Variants in LZTS2 observed in about 807,000 individuals in gnomAD.
LZTS2 encodes the protein leucine zipper putative tumor suppressor 2.
In LZTS2, 32 loss-of-function variants were observed where a neutral mutation model predicts 60.6. The observed-to-expected ratio is 0.53, with a 90% CI of 0.40 to 0.71. LZTS2 has a LOEUF of 0.71. Among genes scored for constraint, LZTS2 ranks in the 30% least tolerant of loss-of-function variants. The pLI is 0.00. For synonymous variants in LZTS2, 360 were observed against 393.1 expected (o/e 0.92, Z 1.00); for missense variants, 792 against 901.9 (o/e 0.88, Z 1.56).
chr10:101,003,259 G>A (rs921155254), intron 1 of LZTS2: 3 of 525,460 alleles, frequency 5.7e-6, no homozygotes, highest in Non-Finnish European at 9.7e-6. Flanking sequence ...TTTGGGCAAG[G>A]CCTTTAACCT....
chr10:101,006,834 A>G (rs758116097), exon 4 of LZTS2: 6 of 1,542,584 alleles, frequency 3.9e-6, no homozygotes, highest in East Asian at 2.3e-5. Context: ...GATGAGGCCA[A>G]AGTGCAGCGG....
At chr10:101,002,385 C>G in exon 1 of LZTS2, 1 of 625,950 alleles carries the variant, frequency 1.6e-6, no homozygotes. Context: ...AAGGGGGAGT[C>G]TTGGTGGGGA....
At chr10:100,999,121 C>G (rs1851972120), upstream of LZTS2, 1 of 152,394 alleles carries the variant, frequency 6.6e-6, no homozygotes. Context: ...TGACCTCTCT[C>G]TTAGCAAGTG....
exon 1 of LZTS2, chr10:101,001,321 A>C (rs939913408): frequency 1.3e-5 from 2 of 152,292 alleles, no homozygotes; most frequent in African/African-American, 2.4e-5. Flanking sequence ...ACACATGTGA[A>C]TTCACACATG....
chr10:101,006,529 G>GA lies in LZTS2; in HGVS notation c.1374dup (p.Glu459ArgfsTer31). 6.2e-7 allele frequency: 1 copy of GA among 1,611,524 alleles called. No individual in the cohort carries two copies. The highest frequency in any genetic ancestry group is 8.5e-7 in the Non-Finnish European group (1 of 1,179,716). ...AGATCTCCCTGCTGAAGCAGCAGCT[G>GA]AAAGAGTCTCAGGCAGAGCTGGTGC... On this transcript the variant is annotated frameshift_variant, in exon 4 of 4. Transcript: ENST00000370220. LOFTEE classifies it high-confidence loss of function.
chr10:101,005,565 G>A, exon 3 of LZTS2: 1 of 1,610,248 alleles, frequency 6.2e-7, no homozygotes, highest in Non-Finnish European at 8.5e-7. Context: ...TGCTGCAGCT[G>A]CAGGTGTTCC....
At chr10:101,006,577 T>C (rs2133984112) in exon 4 of LZTS2, 1 of 1,610,736 alleles carries the variant, frequency 6.2e-7, no homozygotes, top group South Asian at 1.1e-5. Flanking sequence ...AGCTGGTGGC[T>C]CTGCGGGTGG....
At chr10:101,006,913 G>C in exon 4 of LZTS2, 1 of 1,530,782 alleles carries the variant, frequency 6.5e-7, no homozygotes, top group Non-Finnish European at 8.8e-7. Context: ...TGCAGCGGGA[G>C]CGGCGGCGGG....
At chr10:101,006,030 C>A (rs1852178877) in intron 3 of LZTS2, among the ~76,000 whole-genome samples, 1 of 152,208 alleles carries the variant, frequency 6.6e-6, no homozygotes, top group South Asian at 2.1e-4. Context: ...CATTAGTCTC[C>A]CCATTTTAGA....
At chr10:100,997,730 A>G (rs1215923132), upstream of LZTS2, among the ~76,000 whole-genome samples, 1 of 152,164 alleles carries the variant, frequency 6.6e-6, no homozygotes, top group Non-Finnish European at 1.5e-5. Flanking sequence ...CTGTGCCCCC[A>G]ACCCAACCAC....
At chr10:101,005,402 C>G in intron 2 of LZTS2, 56 bp from the exon 4 acceptor site, 1 of 1,498,926 alleles carries the variant, frequency 6.7e-7, no homozygotes, top group Non-Finnish European at 8.9e-7. Context: ...AGAGCAGACA[C>G]TGAGTGGGGA....
exon 3 of LZTS2, chr10:101,005,520 G>A (rs576639829): frequency 4.2e-5 from 68 of 1,604,224 alleles, no homozygotes; most frequent in Non-Finnish European, 4.8e-5. Context: ...AGGACTGTGC[G>A]GCCCAGGCAC....
exon 4 of LZTS2, chr10:101,007,551 G>T (rs1359020880): frequency 3.0e-6 from 4 of 1,315,398 alleles, no homozygotes; most frequent in Non-Finnish European, 4.0e-6. Context: ...GAGAAAGCCA[G>T]ATGGCACCAG....
chr10:100,997,420 AC>A (rs1362190490), upstream of LZTS2, among the ~76,000 whole-genome samples: 1 of 152,180 alleles, frequency 6.6e-6, no homozygotes, highest in African/African-American at 2.4e-5. Flanking sequence ...GGCCCCACAC[AC>A]GCGTGCACAG....
exon 1 of LZTS2, chr10:101,001,397 A>T (rs948771644): frequency 6.6e-6 from 1 of 152,284 alleles, no homozygotes; most frequent in Non-Finnish European, 1.5e-5. Context: ...GTTTTCACAC[A>T]CATTTTCATA....
In LZTS2 at chr10:101,006,330, C is replaced by G. The variant is rs150238306; in HGVS notation, c.1327-155C>G. Reference sequence around the variant, plus strand: ...CTTAAGCCCCATCTTAACTGTATGACCTTGGACATGTCACTAGACTTGCTT... The same window carrying G: ...CTTAAGCCCCATCTTAACTGTATGAGCTTGGACATGTCACTAGACTTGCTT... On this transcript the variant is annotated intron_variant, in intron 3 of 3. Coordinates refer to ENST00000370220, the Ensembl canonical transcript of LZTS2. 9.8e-5 allele frequency among the ~76,000 whole-genome samples: 15 copies of G among 152,344 alleles called. No individual in the cohort carries two copies. The East Asian group carries it at 2.9e-3, about 29-fold the overall frequency.
At chr10:100,996,700 C>G (rs76542276), upstream of LZTS2, 2,014 of 152,592 alleles carry the variant, frequency 0.013, 63 homozygotes, top group African/African-American at 0.046. Context: ...TAGGTGGGAG[C>G]TGCTCTGGTG....
upstream of LZTS2, among the ~76,000 whole-genome samples, chr10:100,997,603 C>T (rs1851942587): frequency 6.6e-6 from 1 of 152,162 alleles, no homozygotes; most frequent in Admixed American, 6.5e-5. Flanking sequence ...CCTGTGACTA[C>T]CGACGGGGGC....
intron 3 of LZTS2, 82 bp from the exon 5 acceptor site, chr10:101,006,403 C>G (rs1852198568): frequency 7.4e-6 from 11 of 1,481,604 alleles, no homozygotes; most frequent in Non-Finnish European, 9.9e-6. Flanking sequence ...TCTTCTCTCC[C>G]AAATGCCCAG....
Sources: allele counts gnomAD v4.1 joint callset (sites outside exome capture counted in the v4.1 genomes callset), GRCh38; gene constraint gnomAD v4.1.1; transcripts MANE v1.5; gene names NCBI Gene and HGNC (gene_info 2026-07-23, HGNC 2026-07-21).